ATP10A: variants seen among roughly 807,000 people sequenced by gnomAD.
The protein encoded by ATP10A is ATPase phospholipid transporting 10A (putative).
In ATP10A, 111 loss-of-function variants were observed where a neutral mutation model predicts 147.8. The ratio of observed to expected loss-of-function variants is 0.75; its 90% CI spans 0.64 to 0.88. The LOEUF is 0.88. Ranked by LOEUF, ATP10A falls within the 40% of genes least tolerant of loss-of-function variation. ATP10A has a pLI of 0.00. For synonymous variants in ATP10A, 875 were observed against 841.6 expected (o/e 1.04, Z -0.69); for missense variants, 1,927 against 1,959.0 (o/e 0.98, Z 0.31).
At chr15:25,730,050 G>C (rs1230093637) in intron 3 of ATP10A, among the ~76,000 whole-genome samples, 1 of 151,852 alleles carries the variant, frequency 6.6e-6, no homozygotes, top group Non-Finnish European at 1.5e-5. Context: ...CAGCACTTTG[G>C]GAGGCCGAGG....
downstream of ATP10A, among the ~76,000 whole-genome samples, chr15:25,673,566 C>T (rs111234839): frequency 0.082 from 12,412 of 152,220 alleles, 939 homozygotes; most frequent in African/African-American, 0.21. Context: ...GACGACGTTG[C>T]CCTTCCAAGT....
At chr15:25,788,703 ATTTT>A (rs1263635843) in intron 1 of ATP10A, among the ~76,000 whole-genome samples, 1 of 152,190 alleles carries the variant, frequency 6.6e-6, no homozygotes, top group Non-Finnish European at 1.5e-5. Flanking sequence ...TGTTACTTTG[ATTTT>A]TTTATTAGAA....
In ATP10A at chr15:25,752,392, C is replaced by T. The variant is rs568085210; in HGVS notation, c.655-16251G>A. 4.6e-5 allele frequency among the ~76,000 whole-genome samples: 7 copies of T among 152,234 alleles called. No individual in the cohort carries two copies. The South Asian group carries it at 1.5e-3, about 32-fold the overall frequency. Reference sequence around the variant, plus strand: ...CAACATTTTGCTAAGTAAAATAAGCCAGGCACAGAGACAAATATTTCATAT... The same window carrying T: ...CAACATTTTGCTAAGTAAAATAAGCTAGGCACAGAGACAAATATTTCATAT... On this transcript the variant is annotated intron_variant, in intron 2 of 20. Coordinates refer to ENST00000555815, the MANE Select transcript of ATP10A (RefSeq NM_024490.4).
intron 1 of ATP10A, among the ~76,000 whole-genome samples, chr15:25,786,544 G>T (rs117204476): frequency 0.025 from 3,811 of 151,022 alleles, 81 homozygotes; most frequent in Non-Finnish European, 0.037. Flanking sequence ...AAGAGCTTGG[G>T]ACAGGTCTTT....
chr15:25,816,522 T>C (rs1253390785), intron 1 of ATP10A, among the ~76,000 whole-genome samples: 1 of 152,200 alleles, frequency 6.6e-6, no homozygotes, highest in Admixed American at 6.5e-5. Flanking sequence ...AAATATGAAA[T>C]ACAGAATTCT....
In ATP10A at chr15:25,713,912, T is replaced by A. The variant is rs1339765615; in HGVS notation, c.2106A>T (p.Ala702=). ...TGTAGGCTCTGGCCGCATACACCAG[T>A]GCGGCCTCATCCGGGCTCTCCGCCT... is the stretch of plus-strand genomic sequence containing the variant. ...RYEAESPDEA[A]LVYAARAYNC... Residue 702 remains alanine, a synonymous_variant, in exon 10 of 21, where the codon GCA becomes GCT. Transcript: ENST00000555815. 1.9e-6 allele frequency: 3 copies of A among 1,612,980 alleles called. No individual in the cohort carries two copies. The highest frequency in any genetic ancestry group is 2.7e-5 in the African/African-American group (2 of 74,950).
chr15:25,751,651 C>G (rs1021762721), intron 2 of ATP10A, among the ~76,000 whole-genome samples: 1 of 152,010 alleles, frequency 6.6e-6, no homozygotes, highest in African/African-American at 2.4e-5. Context: ...TTGGTAATAT[C>G]AAACTTAAAA....
chr15:25,740,011 T>C (rs1887498357), intron 2 of ATP10A, among the ~76,000 whole-genome samples: 1 of 152,182 alleles, frequency 6.6e-6, no homozygotes. Context: ...GTAGAACAGC[T>C]GTGTCCCCTC....
chr15:25,694,766 A>G, intron 14 of ATP10A, 53 bp downstream of exon 14: 10 of 1,484,584 alleles, frequency 6.7e-6, no homozygotes, highest in Non-Finnish European at 9.1e-6. Flanking sequence ...GGAAGGGTAG[A>G]GGAAGTTTGG....
At chr15:25,722,523 A>T (rs1196581853) in intron 6 of ATP10A, among the ~76,000 whole-genome samples, 1 of 152,198 alleles carries the variant, frequency 6.6e-6, no homozygotes, top group Non-Finnish European at 1.5e-5. Context: ...TTGCTTACTC[A>T]TTTGTTTTTG....
In ATP10A at chr15:25,687,721, G is replaced by C; in HGVS notation, c.3273C>G (p.Tyr1091Ter). The change falls in exon 16 of 21, where the codon TAC (tyrosine) becomes TAG (stop). Residue 1091 changes from tyrosine to a stop codon, truncating the protein, a stop_gained. Transcript: ENST00000555815. LOFTEE classifies it high-confidence loss of function. ...CYSRLANMVL[Y>*]FFYKNTMFVG... ...TACCTACTGTGTTTTTGTAGAAGAA[G>C]TACAGCACCATGTTGGCAAGTCGGG... 14 of 1,604,310 alleles carry C rather than the reference G, an allele frequency of 8.7e-6. No homozygotes were observed. The highest frequency in any genetic ancestry group is 1.2e-5 in the Non-Finnish European group (14 of 1,173,700).
Position 25,721,790 on chromosome 15 carries a change from T to C in ATP10A, c.1230A>G (p.Arg410=). The part of the protein sequence containing the change: ...DEETDSQLQC[R]ALNITEDLGQ... Reference sequence around the variant, plus strand: ...CTAAGTCTTCCGTGATGTTCAGAGCTCGGCACTGCAGCTGCGAGTCTGTTT... The same window carrying C: ...CTAAGTCTTCCGTGATGTTCAGAGCCCGGCACTGCAGCTGCGAGTCTGTTT... Residue 410 remains arginine, a synonymous_variant, in exon 7 of 21, where the codon CGA becomes CGG. Transcript: ENST00000555815. 1 of 1,614,164 alleles carries C rather than the reference T, an allele frequency of 6.2e-7. No individual in the cohort carries two copies. Among genetic ancestry groups the C allele is most frequent in the South Asian group, 1.1e-5 (1 of 91,076 alleles).
At chr15:25,808,018 T>C (rs1891273150) in intron 1 of ATP10A, among the ~76,000 whole-genome samples, 1 of 152,156 alleles carries the variant, frequency 6.6e-6, no homozygotes, top group Non-Finnish European at 1.5e-5. Flanking sequence ...AAATCTGTCA[T>C]ATTTACTTTT....
upstream of ATP10A, among the ~76,000 whole-genome samples, chr15:25,864,510 G>T (rs913834341): frequency 1.3e-5 from 2 of 152,140 alleles, no homozygotes; most frequent in African/African-American, 4.8e-5. Context: ...CCAGCACCCT[G>T]GCTTACCCGG....
intron 1 of ATP10A, among the ~76,000 whole-genome samples, chr15:25,804,022 GGT>G (rs1204460382): frequency 1.3e-5 from 2 of 151,410 alleles, no homozygotes. Context: ...TATGCAGCAT[GGT>G]GTGTGTGTGC....
chr15:25,702,722 G>T (rs1900741068), intron 12 of ATP10A, among the ~76,000 whole-genome samples: 1 of 151,022 alleles, frequency 6.6e-6, no homozygotes, highest in Non-Finnish European at 1.5e-5. Context: ...ATCTACTATT[G>T]ACTGCGGAAA....
At chr15:25,835,180 A>G (rs1892538366) in intron 1 of ATP10A, among the ~76,000 whole-genome samples, 1 of 152,126 alleles carries the variant, frequency 6.6e-6, no homozygotes, top group African/African-American at 2.4e-5. Context: ...CTGAGGTGAG[A>G]GGATCACTTG....
At chr15:25,806,329 T>C (rs1027779843) in intron 1 of ATP10A, among the ~76,000 whole-genome samples, 1 of 152,136 alleles carries the variant, frequency 6.6e-6, no homozygotes, top group African/African-American at 2.4e-5. Context: ...TTTCTTTTCT[T>C]TGAGATGGAG....
chr15:25,793,674 A>C (rs1460929852), intron 1 of ATP10A, among the ~76,000 whole-genome samples: 2 of 152,224 alleles, frequency 1.3e-5, no homozygotes, highest in Non-Finnish European at 2.9e-5. Context: ...TCAGCTTTCT[A>C]AAGTGATGGC....
Sources: gnomAD v4.1 joint callset for allele counts (sites outside exome capture counted in the v4.1 genomes callset) on GRCh38, gnomAD v4.1.1 for gene constraint, MANE v1.5 for transcripts, NCBI Gene and HGNC (gene_info 2026-07-23, HGNC 2026-07-21) for gene names.